CDKL4: variants seen among roughly 807,000 people sequenced by gnomAD.
CDKL4 encodes cyclin dependent kinase like 4.
A neutral mutation model predicts 42.0 loss-of-function variants in CDKL4; 44 were observed. The observed-to-expected ratio is 1.05, with a 90% CI of 0.82 to 1.35. The LOEUF (loss-of-function observed/expected upper bound fraction) is 1.35. Among genes scored for constraint, CDKL4 ranks in the 40% most tolerant of loss-of-function variants. CDKL4 has a pLI of 0.00. For synonymous variants in CDKL4, 120 were observed against 121.6 expected (o/e 0.99, Z 0.09); for missense variants, 393 against 369.9 (o/e 1.06, Z -0.51).
intron 4 of CDKL4, among the ~76,000 whole-genome samples, chr2:39,207,954 T>C (rs563646748): frequency 2.3e-3 from 354 of 151,926 alleles, no homozygotes; most frequent in African/African-American, 8.2e-3. Flanking sequence ...ATAGAAAAAT[T>C]AGCCAGGCGT....
chr2:39,222,874 T>C (rs564572072), intron 3 of CDKL4, among the ~76,000 whole-genome samples: 2 of 152,266 alleles, frequency 1.3e-5, no homozygotes, highest in South Asian at 4.1e-4. Flanking sequence ...TGGCTGAACA[T>C]ATCTGTCTTC....
upstream of CDKL4, among the ~76,000 whole-genome samples, chr2:39,244,581 G>A (rs932103882): frequency 6.6e-6 from 1 of 152,230 alleles, no homozygotes; most frequent in Non-Finnish European, 1.5e-5. Flanking sequence ...TTCCTGTGCG[G>A]CCGGAACCTT....
Position 39,201,823 on chromosome 2 carries a change from G to A in CDKL4, c.454+2704C>T, listed in dbSNP as rs1404788960. Among the ~76,000 whole-genome samples, 5 of 152,138 alleles carry A rather than the reference G, an allele frequency of 3.3e-5. No homozygotes were observed. The East Asian group carries it at 9.6e-4, about 29-fold the overall frequency. On this transcript the variant is annotated intron_variant, in intron 5 of 9. Coordinates refer to ENST00000451199, the Ensembl canonical transcript of CDKL4. Reference sequence around the variant, plus strand: ...CATAAGAATAATACAATGGACTTTGGGGACTCAGCCGAAAGGGTCGGGCGG... The same window carrying A: ...CATAAGAATAATACAATGGACTTTGAGGACTCAGCCGAAAGGGTCGGGCGG...
chr2:39,200,293 A>G (rs1676770435), intron 5 of CDKL4, among the ~76,000 whole-genome samples: 1 of 152,158 alleles, frequency 6.6e-6, no homozygotes, highest in African/African-American at 2.4e-5. Context: ...GAGGTGAAAG[A>G]CCTCTACAAG....
At chr2:39,229,266 G>A in intron 2 of CDKL4, 99 bp downstream of exon 2, 1 of 871,500 alleles carries the variant, frequency 1.1e-6, no homozygotes. Flanking sequence ...AGGAATTTAA[G>A]TCCAATGGGG....
rs1558562242 is a variant in CDKL4, at chr2:39,204,496, CTGGGTATTAGTAAAAAAAAT to C, written c.454+11_454+30del. On this transcript the variant is annotated intron_variant, in intron 5 of 9. Coordinates refer to ENST00000451199, the Ensembl canonical transcript of CDKL4. ...CTATGTCATTTTATCATCATCTGAA[CTGGGTATTAGTAAAAAAAAT>C]TGCTACTTACTCAGAATTTGTGCAA... 2 of 1,173,860 alleles carry C rather than the reference CTGGGTATTAGTAAAAAAAAT, an allele frequency of 1.7e-6. No homozygotes were observed. Among genetic ancestry groups the C allele is most frequent in the South Asian group, 2.5e-5 (2 of 81,128 alleles). 72.7% of individuals were successfully genotyped at this position (1,173,860 alleles called of 1,614,324 possible).
chr2:39,188,019 G>C (rs1384505552), intron 6 of CDKL4, among the ~76,000 whole-genome samples: 1 of 152,120 alleles, frequency 6.6e-6, no homozygotes, highest in South Asian at 2.1e-4. Flanking sequence ...AGTGAGCTGA[G>C]ATCATGCCAC....
rs1439174099 is a variant in CDKL4, at chr2:39,223,606, T to A, written c.290+2233A>T. Among the ~76,000 whole-genome samples, 350 of 120,848 alleles carry A rather than the reference T, an allele frequency of 2.9e-3. 6 individuals are homozygous for A. The highest frequency in any genetic ancestry group is 0.013 in the African/African-American group (333 of 25,824). The allele number at this position is 120,848 out of a possible 152,430, so 79.3% of individuals were successfully genotyped here. A position where few individuals can be genotyped will look rare whatever the true frequency, so the allele number is the denominator to read the frequency against. On this transcript the variant is annotated intron_variant, in intron 3 of 9. Transcript: ENST00000451199. Reference sequence around the variant, plus strand: ...CTTTTTTTTTTTTTTTGAAGACTTCTGTCTTCAAAAAAAAAAAAAAAAGAG... The same window carrying A: ...CTTTTTTTTTTTTTTTGAAGACTTCAGTCTTCAAAAAAAAAAAAAAAAGAG...
chr2:39,202,443 G>C (rs540227123), intron 5 of CDKL4, among the ~76,000 whole-genome samples: 1 of 152,120 alleles, frequency 6.6e-6, no homozygotes, highest in South Asian at 2.1e-4. Flanking sequence ...TTCTTTATTA[G>C]GTATAAATTT....
intron 5 of CDKL4, among the ~76,000 whole-genome samples, chr2:39,195,078 G>A (rs953706296): frequency 3.9e-5 from 6 of 152,064 alleles, no homozygotes; most frequent in African/African-American, 1.4e-4. Flanking sequence ...GTCCTTTTCT[G>A]TCTGTCTTAT....
At position 39,204,507 on chromosome 2, in the gene CDKL4, TA is replaced by T. The variant is rs149894101; in HGVS notation, c.454+19del. 0.015 allele frequency: 20,653 copies of T among 1,415,998 alleles called. 2,402 individuals carry two copies. The African/African-American group carries it at 0.25, about 17-fold the overall frequency. The allele number at this position is 1,415,998 out of a possible 1,614,324, so 87.7% of individuals were successfully genotyped here. ...TATCATCATCTGAACTGGGTATTAG[TA>T]AAAAAAATTGCTACTTACTCAGAAT... On this transcript the variant is annotated intron_variant, in intron 5 of 9. Coordinates refer to ENST00000451199, the Ensembl canonical transcript of CDKL4.
chr2:39,213,669 G>C (rs542878596), intron 3 of CDKL4, among the ~76,000 whole-genome samples, 197 bp from the exon 4 acceptor site: 1 of 151,612 alleles, frequency 6.6e-6, no homozygotes, highest in African/African-American at 2.4e-5. Flanking sequence ...TTTGTAATTT[G>C]AATTTTTTAC....
chr2:39,226,911 TG>T (rs1264128916), intron 2 of CDKL4, among the ~76,000 whole-genome samples: 3 of 152,060 alleles, frequency 2.0e-5, no homozygotes, highest in African/African-American at 7.2e-5. Context: ...GGACTACAGG[TG>T]GGTGCTACCA....
At chr2:39,235,470 T>C (rs1007954946) in intron 1 of CDKL4, among the ~76,000 whole-genome samples, 7 of 151,938 alleles carry the variant, frequency 4.6e-5, no homozygotes, top group Non-Finnish European at 2.9e-5. Flanking sequence ...AAATGGGCAA[T>C]AGGTGGGAGT....
intron 5 of CDKL4, 52 bp from the exon 6 acceptor site, chr2:39,190,554 T>G: frequency 6.7e-7 from 1 of 1,497,174 alleles, no homozygotes; most frequent in Non-Finnish European, 9.3e-7. Flanking sequence ...ACATGTGAAC[T>G]GCTCCCAAGA....
chr2:39,177,341 G>A (rs1480666232), intron 9 of CDKL4, among the ~76,000 whole-genome samples: 1 of 152,016 alleles, frequency 6.6e-6, no homozygotes, highest in Non-Finnish European at 1.5e-5. Flanking sequence ...GGGACCAGGA[G>A]TCCAGCTGGG....
intron 5 of CDKL4, among the ~76,000 whole-genome samples, chr2:39,197,077 AT>A (rs1430913270): frequency 6.6e-6 from 1 of 152,238 alleles, no homozygotes; most frequent in Non-Finnish European, 1.5e-5. Context: ...AAATAAAAAA[AT>A]GATACAGGAT....
chr2:39,192,538 A>ATTT (rs142021498), intron 5 of CDKL4, among the ~76,000 whole-genome samples: 5 of 148,052 alleles, frequency 3.4e-5, no homozygotes, highest in African/African-American at 2.5e-5. Flanking sequence ...TTTAAAAAAA[A>ATTT]ATTTTTTTTT....
Position 39,187,722 on chromosome 2 carries a change from A to G in CDKL4, c.653-13T>C. The G allele has an allele frequency of 1.3e-6, 2 of 1,563,520 alleles. No individual in the cohort carries two copies. The highest frequency in any genetic ancestry group is 8.8e-7 in the Non-Finnish European group (1 of 1,135,278). On this transcript the variant is annotated splice_polypyrimidine_tract_variant and intron_variant, in intron 6 of 9. Transcript: ENST00000451199. ...GGGATTAATTTTCCTGTAAAATACA[A>G]ACCACATAATTCATCATAAATTTGG...
Sources: gnomAD v4.1 joint callset for allele counts (sites outside exome capture counted in the v4.1 genomes callset) on GRCh38, gnomAD v4.1.1 for gene constraint, MANE v1.5 for transcripts, NCBI Gene and HGNC (gene_info 2026-07-23, HGNC 2026-07-21) for gene names.